KANK1: variants seen among roughly 807,000 people sequenced by gnomAD.
KANK1 encodes KN motif and ankyrin repeat domain-containing protein 1.
KANK1 carries 109 observed loss-of-function variants against 106.2 expected under a neutral mutation model. The observed-to-expected ratio is 1.03, with a 90% CI of 0.88 to 1.20. The LOEUF is 1.20. Ranked by LOEUF, KANK1 falls within the 50% of genes most tolerant of loss-of-function variation. The pLI is 0.00. For synonymous variants in KANK1, 873 were observed against 652.2 expected (o/e 1.34, Z -5.16); for missense variants, 2,399 against 1,710.7 (o/e 1.40, Z -7.10).
chr9:662,907 C>A (rs1843678788), intron 1 of KANK1, among the ~76,000 whole-genome samples: 1 of 152,152 alleles, frequency 6.6e-6, no homozygotes, highest in Non-Finnish European at 1.5e-5. Flanking sequence ...GGTGATCCAC[C>A]CACCTTGGCC....
In KANK1 at chr9:744,517, C is replaced by T. The variant is rs755145525; in HGVS notation, c.3924C>T (p.Ala1308=). Residue 1308 remains alanine, a synonymous_variant, in exon 11 of 12, where the codon GCC becomes GCT. Transcript: ENST00000382297. The stretch of plus-strand genomic sequence containing the variant: ...ATGGCAGCACTGCGCTCTCAATCGC[C>T]CTGGAAGCAGGACACAAGGACATCG... ...DNDGSTALSI[A]LEAGHKDIAV... The T allele has an allele frequency of 6.2e-7, 1 of 1,614,078 alleles. No homozygotes were observed. The highest frequency in any genetic ancestry group is 1.1e-5 in the South Asian group (1 of 91,050).
At chr9:624,322 C>G (rs1014676414) in intron 1 of KANK1, among the ~76,000 whole-genome samples, 131 of 152,244 alleles carry the variant, frequency 8.6e-4, no homozygotes, top group African/African-American at 3.1e-3. Context: ...AGTCTTTTCC[C>G]TCTCCATGCA....
intron 1 of KANK1, among the ~76,000 whole-genome samples, chr9:508,666 C>T (rs183691390): frequency 2.6e-5 from 4 of 150,960 alleles, no homozygotes; most frequent in Admixed American, 1.3e-4. Context: ...CTTTTAGTAT[C>T]CTGGTTTCTT....
intron 2 of KANK1, among the ~76,000 whole-genome samples, chr9:680,264 C>T (rs1342531670): frequency 6.6e-6 from 1 of 152,066 alleles, no homozygotes; most frequent in Non-Finnish European, 1.5e-5. Flanking sequence ...TGGGAAAGGG[C>T]AAACCATGCC....
At chr9:703,065 C>T (rs1027997558) in intron 2 of KANK1, among the ~76,000 whole-genome samples, 2 of 152,076 alleles carry the variant, frequency 1.3e-5, no homozygotes, top group African/African-American at 4.8e-5. Flanking sequence ...AATCTCGGTT[C>T]ACTGTAGCCT....
exon 1 of KANK1, chr9:470,328 T>G (rs2057993889): frequency 6.6e-6 from 1 of 152,192 alleles, no homozygotes; most frequent in African/African-American, 2.4e-5. Context: ...GCGGGCGTGC[T>G]CCAGCCTGCT....
chr9:700,530 G>T (rs919157510), intron 2 of KANK1, among the ~76,000 whole-genome samples: 1 of 152,154 alleles, frequency 6.6e-6, no homozygotes, highest in African/African-American at 2.4e-5. Flanking sequence ...CTCTTCCTGA[G>T]TTCATCCTAC....
intron 1 of KANK1, among the ~76,000 whole-genome samples, chr9:646,693 C>CT (rs36028136): frequency 0.018 from 2,557 of 138,628 alleles, 186 homozygotes; most frequent in African/African-American, 0.063. Flanking sequence ...TTTTAAGTAT[C>CT]TTTTTTTTTT....
chr9:534,864 TG>T (rs1443896499), intron 1 of KANK1, among the ~76,000 whole-genome samples: 1 of 152,248 alleles, frequency 6.6e-6, no homozygotes. Context: ...ATTTTGCCCA[TG>T]TGGGAACAAT....
chr9:496,894 A>T (rs1202792659), intron 3 of KANK1, among the ~76,000 whole-genome samples: 1 of 152,334 alleles, frequency 6.6e-6, no homozygotes, highest in East Asian at 1.9e-4. Flanking sequence ...TAGTAGAATG[A>T]CATACACATT....
At chr9:688,842 G>A (rs894960090) in intron 2 of KANK1, among the ~76,000 whole-genome samples, 3 of 152,146 alleles carry the variant, frequency 2.0e-5, no homozygotes, top group African/African-American at 7.2e-5. Context: ...TTATTCTCTG[G>A]TGCAGCTTGG....
chr9:497,108 C>CCTTTA (rs1302570800), intron 3 of KANK1, among the ~76,000 whole-genome samples: 1 of 152,108 alleles, frequency 6.6e-6, no homozygotes, highest in Non-Finnish European at 1.5e-5. Flanking sequence ...ACCAATGTGT[C>CCTTTA]CTTTCCTTTC....
At position 695,219 on chromosome 9, in the gene KANK1, G is replaced by A. The variant is rs116793514; in HGVS notation, c.38-15585G>A. Among the ~76,000 whole-genome samples the A allele has an allele frequency of 5.2e-3, 794 of 152,222 alleles. 5 individuals are homozygous for A. Among genetic ancestry groups the A allele is most frequent in the African/African-American group, 0.018 (746 of 41,528 alleles). ...GGTGCTCTGGGTGGCTTAAAGCACCGTCTTTGCACAGTGTGTTAGAGAGCA... is the reference window on the plus strand; with the variant it reads ...GGTGCTCTGGGTGGCTTAAAGCACCATCTTTGCACAGTGTGTTAGAGAGCA... On this transcript the variant is annotated intron_variant, in intron 2 of 11. Transcript: ENST00000382297.
At chr9:742,974 T>C (rs1310711392) in intron 10 of KANK1, among the ~76,000 whole-genome samples, 6 of 152,140 alleles carry the variant, frequency 3.9e-5, no homozygotes, top group African/African-American at 9.7e-5. Flanking sequence ...TCTGCTCTCT[T>C]CTCCCAGTTC....
At chr9:507,966 A>G (rs2058842792) in intron 1 of KANK1, among the ~76,000 whole-genome samples, 1 of 151,280 alleles carries the variant, frequency 6.6e-6, no homozygotes, top group East Asian at 2.0e-4. Context: ...GATTACAGGC[A>G]TGCGCCCCCA....
intron 1 of KANK1, among the ~76,000 whole-genome samples, chr9:559,334 A>C (rs1469818713): frequency 6.6e-6 from 1 of 152,006 alleles, no homozygotes; most frequent in Non-Finnish European, 1.5e-5. Context: ...ACTGTCATTC[A>C]CTTGTGATTT....
chr9:745,086 T>C (rs891476394), intron 11 of KANK1, 87 bp from the exon 12 acceptor site: 7 of 1,555,456 alleles, frequency 4.5e-6, no homozygotes, highest in East Asian at 2.3e-5. Context: ...TTGTTGCCTG[T>C]GGTGGGCCAA....
At chr9:594,451 G>T (rs1479231407) in intron 1 of KANK1, among the ~76,000 whole-genome samples, 1 of 151,834 alleles carries the variant, frequency 6.6e-6, no homozygotes, top group African/African-American at 2.4e-5. Flanking sequence ...GATTAAAAAT[G>T]TAGGAGTTAT....
chr9:536,113 G>A (rs1013535290), intron 1 of KANK1, among the ~76,000 whole-genome samples: 8 of 152,084 alleles, frequency 5.3e-5, no homozygotes, highest in South Asian at 2.1e-4. Flanking sequence ...TGAGGTGGGC[G>A]GATCACTTGA....
Sources: gnomAD v4.1 joint callset for allele counts (sites outside exome capture counted in the v4.1 genomes callset) on GRCh38, gnomAD v4.1.1 for gene constraint, MANE v1.5 for transcripts, NCBI Gene and HGNC (gene_info 2026-07-23, HGNC 2026-07-21) for gene names.